The following PEF1 variants were observed in gnomAD, a reference collection of about 807,000 sequenced individuals.
PEF1 encodes penta-EF-hand domain containing 1.
PEF1 carries 17 observed loss-of-function variants against 32.0 expected under a neutral mutation model. That is an observed-to-expected ratio of 0.53 (90% confidence interval 0.36 to 0.80). The LOEUF is 0.80. PEF1 is among the 30% of genes least tolerant of loss of function. The probability of loss-of-function intolerance (pLI) is 0.00; values close to 1 mark genes in which losing one functional copy is unlikely to be tolerated. For missense variants in PEF1, 362 were observed against 369.1 expected (o/e 0.98, Z 0.16); for synonymous variants, 130 against 139.8 (o/e 0.93, Z 0.50).
At position 31,630,857 on chromosome 1, in the gene PEF1, C is replaced by A. The variant is rs371471126; in HGVS notation, c.626-15G>T. 7.1e-5 allele frequency: 112 copies of A among 1,585,718 alleles called. 2 individuals are homozygous for A. The East Asian group carries it at 1.1e-3, about 15-fold the overall frequency. ...TTGGGACAGAGCTGGAGAAGAGGGG[C>A]ACACAGACCAGACACACAAAAACCT... is the stretch of plus-strand genomic sequence containing the variant. On this transcript the variant is annotated splice_polypyrimidine_tract_variant and intron_variant, in intron 4 of 4. Coordinates refer to ENST00000373703, the MANE Select transcript of PEF1 (RefSeq NM_012392.4).
intron 4 of PEF1, among the ~76,000 whole-genome samples, chr1:31,632,123 G>C (rs1557584023): frequency 6.6e-6 from 1 of 152,230 alleles, no homozygotes; most frequent in South Asian, 2.1e-4. Flanking sequence ...TCTGAGCCCT[G>C]TTCAGGGCTC....
chr1:31,635,625 G>T, intron 1 of PEF1, 103 bp from the exon 2 acceptor site: 1 of 1,140,888 alleles, frequency 8.8e-7, no homozygotes, highest in Non-Finnish European at 1.2e-6. Flanking sequence ...CCTTTCAACT[G>T]ATCCTATAGG....
intron 1 of PEF1, among the ~76,000 whole-genome samples, chr1:31,642,060 C>T (rs1207904713): frequency 1.3e-5 from 2 of 152,024 alleles, no homozygotes; most frequent in Non-Finnish European, 2.9e-5. Context: ...GGCGAAACCC[C>T]GTCTCTACTA....
intron 1 of PEF1, among the ~76,000 whole-genome samples, chr1:31,639,118 T>C (rs1156759517): frequency 6.6e-6 from 1 of 152,154 alleles, no homozygotes; most frequent in African/African-American, 2.4e-5. Context: ...GAAGGATGCA[T>C]AGACATTTTC....
intron 1 of PEF1, among the ~76,000 whole-genome samples, chr1:31,636,219 T>C (rs1242464727): frequency 6.6e-6 from 1 of 152,140 alleles, no homozygotes; most frequent in Non-Finnish European, 1.5e-5. Flanking sequence ...GGCAGACTGC[T>C]TGAGCCCAGG....
chr1:31,630,387 T>G lies in PEF1; in HGVS notation c.*226A>C, dbSNP rs1395977798. ...CATGGCCATCAGGACATTCAACTTC[T>G]ATCCTCTCCTCCATCAGGCCCCTAT... On this transcript the variant is annotated 3_prime_UTR_variant, in exon 5 of 5. Transcript: ENST00000373703. 1.8e-6 allele frequency: 1 copy of G among 562,720 alleles called. No homozygotes were observed. The highest frequency in any genetic ancestry group is 3.1e-5 in the East Asian group (1 of 32,466). 34.9% of individuals were successfully genotyped at this position (562,720 alleles called of 1,614,324 possible).
intron 1 of PEF1, 37 bp from the exon 2 acceptor site, chr1:31,635,559 G>C: frequency 6.7e-7 from 1 of 1,498,164 alleles, no homozygotes; most frequent in South Asian, 1.4e-5. Context: ...GAATGATGAG[G>C]CCAGAAACTA....
intron 1 of PEF1, among the ~76,000 whole-genome samples, chr1:31,637,989 G>C (rs765777677): frequency 2.6e-5 from 4 of 152,232 alleles, no homozygotes; most frequent in African/African-American, 7.2e-5. Context: ...ATAAAGGAGA[G>C]TGAAGCAATC....
rs182410469 is a variant in PEF1 at position 31,643,739 on chromosome 1, T to A, written c.24+1102A>T. Among the ~76,000 whole-genome samples, 31 of 152,354 alleles carry A rather than the reference T, an allele frequency of 2.0e-4. No homozygotes were observed. The East Asian group carries it at 5.8e-3, about 28-fold the overall frequency. On this transcript the variant is annotated intron_variant, in intron 1 of 4. Coordinates refer to ENST00000373703, the MANE Select transcript of PEF1 (RefSeq NM_012392.4). ...TCTTTTGGCCTGTGACTAAACTCAGTTGAGCACTGTGTAATATACCAATTG... is the reference window on the plus strand; with the variant it reads ...TCTTTTGGCCTGTGACTAAACTCAGATGAGCACTGTGTAATATACCAATTG...
intron 4 of PEF1, 170 bp downstream of exon 4, chr1:31,632,325 C>T: frequency 8.5e-7 from 1 of 1,181,746 alleles, no homozygotes; most frequent in African/African-American, 1.5e-5. Flanking sequence ...TGGCTCAGTG[C>T]CCCAGCTGGG....
chr1:31,637,475 C>A (rs370815283), intron 1 of PEF1, among the ~76,000 whole-genome samples: 1 of 152,028 alleles, frequency 6.6e-6, no homozygotes, highest in Non-Finnish European at 1.5e-5. Context: ...TAAGATCCCA[C>A]CTCTACAAAA....
At chr1:31,631,661 A>G (rs955104527) in intron 4 of PEF1, among the ~76,000 whole-genome samples, 1 of 152,250 alleles carries the variant, frequency 6.6e-6, no homozygotes, top group African/African-American at 2.4e-5. Context: ...AATGAATTAC[A>G]TAAGCCTATT....
At chr1:31,635,606 C>G in intron 1 of PEF1, 84 bp from the exon 2 acceptor site, 1 of 1,288,366 alleles carries the variant, frequency 7.8e-7, no homozygotes, top group Non-Finnish European at 1.0e-6. Context: ...AAAGCACTTC[C>G]ACCACCATCC....
At chr1:31,637,311 C>G (rs1020498301) in intron 1 of PEF1, among the ~76,000 whole-genome samples, 1 of 152,170 alleles carries the variant, frequency 6.6e-6, no homozygotes, top group Admixed American at 6.5e-5. Context: ...ACTGTGGGCC[C>G]GTGGCTTCAT....
intron 2 of PEF1, 62 bp downstream of exon 2, chr1:31,635,160 G>A: frequency 6.3e-7 from 1 of 1,579,356 alleles, no homozygotes; most frequent in African/African-American, 1.4e-5. Context: ...GAAGGACAAA[G>A]GCTGGCCATG....
intron 2 of PEF1, chr1:31,634,967 C>G (rs1476733584): frequency 1.5e-6 from 1 of 646,338 alleles, no homozygotes; most frequent in Admixed American, 2.1e-5. Flanking sequence ...ACACAGGGAA[C>G]AGAAACTCAA....
At chr1:31,641,926 C>G (rs1640400048) in intron 1 of PEF1, among the ~76,000 whole-genome samples, 1 of 152,164 alleles carries the variant, frequency 6.6e-6, no homozygotes, top group Non-Finnish European at 1.5e-5. Flanking sequence ...CTATTATGAC[C>G]CCATTCTAAA....
At chr1:31,633,617 T>C (rs1192286384) in intron 2 of PEF1, among the ~76,000 whole-genome samples, 3 of 152,162 alleles carry the variant, frequency 2.0e-5, no homozygotes, top group Non-Finnish European at 4.4e-5. Context: ...TCAAGAATTC[T>C]CTGGAAAAGG....
In PEF1 at chr1:31,633,315, C is replaced by A. The variant is rs1640167312; in HGVS notation, c.326-1G>T. On this transcript the variant is annotated splice_acceptor_variant, in intron 2 of 4. Coordinates refer to ENST00000373703, the MANE Select transcript of PEF1 (RefSeq NM_012392.4). LOFTEE classifies it high-confidence loss of function. ...GGATCCACATTGGGAGGGGCGCCAC[C>A]TGGAGGAAGGGGTGTGAAGGCCATC... is the stretch of plus-strand genomic sequence containing the variant. 1 of 1,610,276 alleles carries A rather than the reference C, an allele frequency of 6.2e-7. No individual in the cohort carries two copies.
Sources: gnomAD v4.1 joint callset for allele counts (sites outside exome capture counted in the v4.1 genomes callset) on GRCh38, gnomAD v4.1.1 for gene constraint, MANE v1.5 for transcripts, NCBI Gene and HGNC (gene_info 2026-07-23, HGNC 2026-07-21) for gene names.